The following IRF2 variants were observed in gnomAD, a reference collection of about 807,000 sequenced individuals.
IRF2 encodes the protein interferon regulatory factor 2.
In IRF2, 15 loss-of-function variants were observed where a neutral mutation model predicts 40.6. That is an observed-to-expected ratio of 0.37 (90% CI 0.25 to 0.57). IRF2 has a LOEUF of 0.57. IRF2 is among the 20% of genes least tolerant of loss of function. IRF2 has a pLI of 0.77. For synonymous variants in IRF2, 151 were observed against 165.5 expected, an observed-to-expected ratio of 0.91 and a Z score of 0.67; for missense variants, 317 against 455.7, an observed-to-expected ratio of 0.70 and a Z score of 2.77.
chr4:184,431,993 T>A (rs3775561), intron 1 of IRF2: 64,541 of 152,040 alleles, frequency 0.42, 14,429 homozygotes, highest in East Asian at 0.57. Flanking sequence ...TTTAAAGTTC[T>A]CACAGACAGG....
rs1738607569 is a variant in IRF2, at chr4:184,448,782, A to G, written c.-6-19712T>C. 6.6e-6 allele frequency: 1 copy of G among 152,040 alleles called. No homozygotes were observed. Among genetic ancestry groups the G allele is most frequent in the Non-Finnish European group, 1.5e-5 (1 of 68,012 alleles). 9.4% of individuals were successfully genotyped at this position (152,040 alleles called of 1,614,324 possible). A position where few individuals can be genotyped will look rare whatever the true frequency, so the allele number is the denominator to read the frequency against. On this transcript the variant is annotated intron_variant, in intron 1 of 8. Transcript: ENST00000393593. This position sits in a 1 kb window ranked among gnomAD's most constrained non-coding sequence, Gnocchi z 4.3. ...CACTTCAGGGTTCCCAGCGCCCCAA[A>G]TCTGGCATTCCCAGAATAGTTTCAT...
At chr4:184,452,783 A>C (rs1003114310) in intron 1 of IRF2, among the ~76,000 whole-genome samples, 10 of 149,092 alleles carry the variant, frequency 6.7e-5, no homozygotes, top group African/African-American at 2.5e-4. Flanking sequence ...AAAAAAAAAA[A>C]AAAAAAAAAA....
chr4:184,398,656 A>C (rs969866030), intron 7 of IRF2, among the ~76,000 whole-genome samples: 2 of 111,832 alleles, frequency 1.8e-5, no homozygotes, highest in African/African-American at 7.2e-5. Flanking sequence ...ACTCTGTCTC[A>C]AAAAAAAAAA....
chr4:184,419,401 T>G, intron 3 of IRF2, 68 bp downstream of exon 3: 1 of 1,048,566 alleles, frequency 9.5e-7, no homozygotes, highest in Non-Finnish European at 1.5e-6. Context: ...CAGGCTATTT[T>G]ATGTGTAATA....
At position 184,403,963 on chromosome 4, in the gene IRF2, T is replaced by G. The variant is rs1388623608; in HGVS notation, c.529+4195A>C. Among the ~76,000 whole-genome samples the G allele has an allele frequency of 2.6e-5, 4 of 152,270 alleles. No individual in the cohort carries two copies. In the East Asian group the frequency reaches 7.7e-4, roughly 29 times the overall value. On this transcript the variant is annotated intron_variant, in intron 6 of 8. Coordinates refer to ENST00000393593, the MANE Select transcript of IRF2 (RefSeq NM_002199.4). ...TTGCTGAGAATTATAACAATATTATTTATGGCTGGTTACTGATGAACCGGT... is the reference window on the plus strand; with the variant it reads ...TTGCTGAGAATTATAACAATATTATGTATGGCTGGTTACTGATGAACCGGT...
At chr4:184,441,558 C>T (rs1490888177) in intron 1 of IRF2, among the ~76,000 whole-genome samples, 1 of 152,200 alleles carries the variant, frequency 6.6e-6, no homozygotes, top group African/African-American at 2.4e-5. Context: ...GGAACACAAC[C>T]TGTTGGTAAG....
intron 1 of IRF2, among the ~76,000 whole-genome samples, chr4:184,449,947 A>G (rs1317426102): frequency 6.6e-6 from 1 of 152,232 alleles, no homozygotes; most frequent in Admixed American, 6.5e-5. Context: ...CTGTTCCTGG[A>G]AACACCAGGA....
chr4:184,467,909 C>T (rs765212231), intron 1 of IRF2, among the ~76,000 whole-genome samples: 3 of 152,166 alleles, frequency 2.0e-5, no homozygotes, highest in Non-Finnish European at 2.9e-5. Context: ...TTTTATCACA[C>T]AAAATCCTAA....
intron 1 of IRF2, among the ~76,000 whole-genome samples, chr4:184,473,137 G>A (rs1048076254): frequency 2.0e-5 from 3 of 152,060 alleles, no homozygotes; most frequent in Non-Finnish European, 4.4e-5. Context: ...GAGGCGGAAA[G>A]GAAGTGGCGG....
intron 1 of IRF2, among the ~76,000 whole-genome samples, chr4:184,440,579 C>T (rs893692583): frequency 1.3e-5 from 2 of 152,242 alleles, no homozygotes; most frequent in Admixed American, 1.3e-4. Flanking sequence ...GAGAACCTCG[C>T]AGCAGATGGG....
chr4:184,468,084 T>C (rs953601888), intron 1 of IRF2, among the ~76,000 whole-genome samples: 2 of 151,934 alleles, frequency 1.3e-5, no homozygotes, highest in African/African-American at 4.8e-5. Flanking sequence ...GATAAAGGAG[T>C]TATAAACCAA....
chr4:184,401,755 G>A (rs1376456841), intron 6 of IRF2, among the ~76,000 whole-genome samples: 2 of 152,218 alleles, frequency 1.3e-5, no homozygotes, highest in Non-Finnish European at 2.9e-5. Context: ...AGTTTGAGGA[G>A]GGAGGGCGCA....
chr4:184,389,539 C>T (rs1164235338), intron 8 of IRF2, among the ~76,000 whole-genome samples: 1 of 152,226 alleles, frequency 6.6e-6, no homozygotes, highest in Non-Finnish European at 1.5e-5. Context: ...CTACATCCCT[C>T]AACTGAAATC....
chr4:184,420,764 T>C (rs1737455153), intron 2 of IRF2, among the ~76,000 whole-genome samples: 1 of 152,246 alleles, frequency 6.6e-6, no homozygotes, highest in Non-Finnish European at 1.5e-5. Context: ...CTCAGTTTTG[T>C]CTTCCTCCCA....
chr4:184,406,785 C>A (rs1453060552), intron 6 of IRF2, among the ~76,000 whole-genome samples: 5 of 152,122 alleles, frequency 3.3e-5, no homozygotes, highest in South Asian at 2.1e-4. Context: ...CCTTCAGGAG[C>A]CCATGTTGAT....
intron 1 of IRF2, among the ~76,000 whole-genome samples, chr4:184,466,614 G>A (rs943772789): frequency 1.2e-4 from 18 of 152,216 alleles, no homozygotes; most frequent in Non-Finnish European, 1.8e-4. Flanking sequence ...CCGTATTTCC[G>A]TGGTTGCCTC....
In IRF2 at chr4:184,448,030, C is replaced by G. The variant is rs1391983781; in HGVS notation, c.-6-18960G>C. Among the ~76,000 whole-genome samples the G allele has an allele frequency of 6.6e-6, 1 of 152,174 alleles. No homozygotes were observed. Among genetic ancestry groups the G allele is most frequent in the Non-Finnish European group, 1.5e-5 (1 of 68,038 alleles). On this transcript the variant is annotated intron_variant, in intron 1 of 8. Transcript: ENST00000393593. The surrounding 1 kb of genome is among the most constrained non-coding windows in gnomAD (Gnocchi z 4.3). ...ATCTTCGTTACAGCAAAGACACATT[C>G]AAGTACTCAGGAGTGATGGGATATC...
chr4:184,454,143 G>T (rs1579106390), intron 1 of IRF2, among the ~76,000 whole-genome samples: 1 of 152,118 alleles, frequency 6.6e-6, no homozygotes, highest in African/African-American at 2.4e-5. Context: ...GAGAGTAAAT[G>T]ATTTCCTCCC....
rs999103968 is a variant in IRF2 at position 184,427,000 on chromosome 4, G to T, written c.87+1978C>A. Among the ~76,000 whole-genome samples, 5 of 152,306 alleles carry T rather than the reference G, an allele frequency of 3.3e-5. No homozygotes were observed. The East Asian group carries it at 9.6e-4, about 29-fold the overall frequency. On this transcript the variant is annotated intron_variant, in intron 2 of 8. Transcript: ENST00000393593. The stretch of plus-strand genomic sequence containing the variant: ...TAATGCATGTACCTTGCTTAGAAGG[G>T]TGCCTGGCACACAGTAAGTGCTGAG...
Sources: gnomAD v4.1 joint callset for allele counts (sites outside exome capture counted in the v4.1 genomes callset) on GRCh38, gnomAD v4.1.1 for gene constraint, Gnocchi (gnomAD v3.1) non-coding constraint, MANE v1.5 for transcripts, NCBI Gene and HGNC (gene_info 2026-07-23, HGNC 2026-07-21) for gene names.